DNMBP: variants seen among roughly 807,000 people sequenced by gnomAD.
DNMBP encodes dynamin-binding protein.
A neutral mutation model predicts 150.0 loss-of-function variants in DNMBP; 87 were observed. The observed-to-expected ratio is 0.58, with a 90% confidence interval of 0.49 to 0.69. The LOEUF (loss-of-function observed/expected upper bound fraction) is 0.69. Ranked by LOEUF, DNMBP falls within the 30% of genes least tolerant of loss-of-function variation. The pLI is 0.00. For synonymous variants in DNMBP, 711 were observed against 750.4 expected (o/e 0.95, Z 0.86); for missense variants, 1,774 against 1,949.0 (o/e 0.91, Z 1.69).
intron 1 of DNMBP, among the ~76,000 whole-genome samples, chr10:99,994,287 G>A (rs189246616): frequency 3.4e-4 from 51 of 152,220 alleles, no homozygotes; most frequent in South Asian, 2.1e-3. Flanking sequence ...TTCATAGGGC[G>A]TATAAGGATT....
chr10:99,952,019 G>T (rs754384874), intron 4 of DNMBP, among the ~76,000 whole-genome samples: 2 of 152,114 alleles, frequency 1.3e-5, no homozygotes, highest in Non-Finnish European at 2.9e-5. Flanking sequence ...GAATCATGGG[G>T]GCAGGTCTTT....
At chr10:99,920,225 G>A (rs1051569472) in intron 4 of DNMBP, among the ~76,000 whole-genome samples, 5 of 151,926 alleles carry the variant, frequency 3.3e-5, no homozygotes, top group African/African-American at 7.3e-5. Context: ...ACAGGCACGC[G>A]CCACCACGCC....
chr10:99,892,832 A>C (rs1300409228), intron 11 of DNMBP, among the ~76,000 whole-genome samples: 1 of 152,258 alleles, frequency 6.6e-6, no homozygotes, highest in African/African-American at 2.4e-5. Context: ...TCTACATATG[A>C]CACAAAACTA....
chr10:99,880,162 G>A lies in DNMBP; in HGVS notation c.4197C>T (p.Cys1399=). Residue 1399 remains cysteine (C), a synonymous_variant, in exon 16 of 17, where the codon TGC becomes TGT. Transcript: ENST00000324109. ...SMAVSFTSGS[C]QKQPQDASPP... is the part of the protein sequence containing the mutation. ...GAGATGCATCTTGAGGCTGCTTCTG[G>A]CAAGACCCCGAGGTAAAGGATACAG... 1 of 1,614,138 alleles carries A rather than the reference G, an allele frequency of 6.2e-7. No individual in the cohort carries two copies. Among genetic ancestry groups the A allele is most frequent in the Non-Finnish European group, 8.5e-7 (1 of 1,180,034 alleles).
rs1421402827 is a variant in DNMBP, at chr10:99,879,465, AAAT to A, written c.4548+343_4548+345del. Among the ~76,000 whole-genome samples, 3 of 152,204 alleles carry A rather than the reference AAAT, an allele frequency of 2.0e-5. No individual in the cohort carries two copies. In the East Asian group the frequency reaches 5.8e-4, roughly 29 times the overall value. On this transcript the variant is annotated intron_variant, in intron 16 of 16. Transcript: ENST00000324109. ...CTGGGTGACAAACTCCTCAAAAAAAAAATAAAGTATGGTTACTTGAATCAAAAA... is the reference window on the plus strand; with the variant it reads ...CTGGGTGACAAACTCCTCAAAAAAAAAAAGTATGGTTACTTGAATCAAAAA...
chr10:99,900,316 G>A (rs1309711562), intron 6 of DNMBP, among the ~76,000 whole-genome samples: 4 of 152,044 alleles, frequency 2.6e-5, no homozygotes. Context: ...CAGGGTCTCT[G>A]TCACCCAGGC....
At chr10:99,945,194 C>A (rs187576466) in intron 4 of DNMBP, among the ~76,000 whole-genome samples, 1 of 152,186 alleles carries the variant, frequency 6.6e-6, no homozygotes. Context: ...CAAAAAAAAT[C>A]AGCTGAGGAC....
intron 1 of DNMBP, among the ~76,000 whole-genome samples, chr10:99,992,245 C>A (rs968447602): frequency 1.3e-5 from 2 of 151,554 alleles, no homozygotes; most frequent in Admixed American, 6.6e-5. Context: ...GTCTCAAAAA[C>A]AAAACAAAAC....
chr10:99,924,633 C>T (rs1379267010), intron 4 of DNMBP, among the ~76,000 whole-genome samples: 2 of 152,100 alleles, frequency 1.3e-5, no homozygotes, highest in South Asian at 2.1e-4. Flanking sequence ...ATGCTTGGTA[C>T]AATGCCAAGT....
intron 4 of DNMBP, among the ~76,000 whole-genome samples, chr10:99,938,407 T>C (rs2040256838): frequency 6.6e-6 from 1 of 152,050 alleles, no homozygotes; most frequent in Non-Finnish European, 1.5e-5. Flanking sequence ...TAGCTGGGTG[T>C]GGTGGCAGGA....
At chr10:99,973,468 T>C (rs372577382) in intron 1 of DNMBP, among the ~76,000 whole-genome samples, 247 of 152,354 alleles carry the variant, frequency 1.6e-3, no homozygotes, top group African/African-American at 5.7e-3. Flanking sequence ...GTAGAGATTT[T>C]AAATATGGCA....
At position 99,900,911 on chromosome 10, in the gene DNMBP, C is replaced by T. The variant is rs12262173; in HGVS notation, c.2555-845G>A. ...CATTAAAATACCTATAATGATAAAT[C>T]CCCAACTTATGATATAGTAACCTAT... is the stretch of plus-strand genomic sequence containing the variant. On this transcript the variant is annotated intron_variant, in intron 6 of 16. Transcript: ENST00000324109. Among the ~76,000 whole-genome samples the T allele has an allele frequency of 4.3e-3, 660 of 152,156 alleles. 7 individuals carry two copies. Among genetic ancestry groups the T allele is most frequent in the African/African-American group, 0.015 (621 of 41,514 alleles).
chr10:99,987,758 G>C (rs538816178), intron 1 of DNMBP, among the ~76,000 whole-genome samples: 1 of 151,600 alleles, frequency 6.6e-6, no homozygotes, highest in Non-Finnish European at 1.5e-5. Context: ...GATGAAAGGA[G>C]AAAGAAACAG....
At chr10:99,994,834 T>C (rs2133381396) in intron 1 of DNMBP, among the ~76,000 whole-genome samples, 1 of 152,302 alleles carries the variant, frequency 6.6e-6, no homozygotes, top group South Asian at 2.1e-4. Context: ...TTGGGGCTCC[T>C]GCAATAGCTT....
At position 99,877,073 on chromosome 10, in the gene DNMBP, C is replaced by T. The variant is rs892784838; in HGVS notation, c.*78G>A. On this transcript the variant is annotated 3_prime_UTR_variant, in exon 17 of 17. Coordinates refer to ENST00000324109, the MANE Select transcript of DNMBP (RefSeq NM_015221.4). ...ACAGGGCCTGTGTCTCAGGAGCAGGCGCCCTCTCGGTGGGCCGCCAGAACC... is the reference window on the plus strand; with the variant it reads ...ACAGGGCCTGTGTCTCAGGAGCAGGTGCCCTCTCGGTGGGCCGCCAGAACC... The T allele has an allele frequency of 3.5e-5, 47 of 1,347,550 alleles. No homozygotes were observed. The highest frequency in any genetic ancestry group is 4.4e-5 in the Admixed American group (2 of 45,350). The allele number at this position is 1,347,550 out of a possible 1,614,324, so 83.5% of individuals were successfully genotyped here. A position where few individuals can be genotyped will look rare whatever the true frequency, so the allele number is the denominator to read the frequency against.
rs2040049081 is a variant in DNMBP at position 99,923,853 on chromosome 10, A to C, written c.2261-14707T>G. 5.9e-5 allele frequency among the ~76,000 whole-genome samples: 9 copies of C among 152,296 alleles called. No homozygotes were observed. In the South Asian group the frequency reaches 1.9e-3, roughly 32 times the overall value. On this transcript the variant is annotated intron_variant, in intron 4 of 16. Transcript: ENST00000324109. ...TCCCTACAGTCTTTTCTAATAGCTC[A>C]AGCAAAAACTGGTCTTTCGGCTGGG...
chr10:99,908,929 C>G lies in DNMBP; in HGVS notation c.2454+24G>C, dbSNP rs1340686520. The G allele has an allele frequency of 5.6e-6, 9 of 1,602,440 alleles. No individual in the cohort carries two copies. The African/African-American group carries it at 9.4e-5, about 17-fold the overall frequency. Reference sequence around the variant, plus strand: ...CTGGAGGACCATATTCAAGGTCAAACTAACTCTGTCTCCCAGTTCCCACCT... The same window carrying G: ...CTGGAGGACCATATTCAAGGTCAAAGTAACTCTGTCTCCCAGTTCCCACCT... On this transcript the variant is annotated intron_variant, in intron 5 of 16. Transcript: ENST00000324109.
chr10:99,998,108 A>G (rs774540193), intron 1 of DNMBP, among the ~76,000 whole-genome samples: 153 of 150,186 alleles, frequency 1.0e-3, no homozygotes, highest in Non-Finnish European at 1.9e-3. Flanking sequence ...GGTGGCGCAC[A>G]CCTGTATTCC....
intron 11 of DNMBP, among the ~76,000 whole-genome samples, chr10:99,893,220 A>C (rs2039599475): frequency 6.6e-6 from 1 of 152,210 alleles, no homozygotes; most frequent in African/African-American, 2.4e-5. Context: ...CTGACATTTA[A>C]CGGTAGTTGT....
Sources: allele counts gnomAD v4.1 joint callset (sites outside exome capture counted in the v4.1 genomes callset), GRCh38; gene constraint gnomAD v4.1.1; transcripts MANE v1.5; gene names NCBI Gene and HGNC (gene_info 2026-07-23, HGNC 2026-07-21).